The following NCK2 variants were observed in gnomAD, a reference collection of about 807,000 sequenced individuals.
NCK2 encodes NCK adaptor protein 2.
NCK2 carries 16 observed loss-of-function variants against 33.9 expected under a neutral mutation model. That is an observed-to-expected ratio of 0.47 (90% CI 0.32 to 0.72). The LOEUF (loss-of-function observed/expected upper bound fraction) is 0.72. Ranked by LOEUF, NCK2 falls within the 30% of genes least tolerant of loss-of-function variation. NCK2 has a pLI of 0.03. For synonymous variants in NCK2, 273 were observed against 239.9 expected, an observed-to-expected ratio of 1.14 and a Z score of -1.27; for missense variants, 418 against 537.3, an observed-to-expected ratio of 0.78 and a Z score of 2.19.
At chr2:105,827,783 A>G (rs560632311) in intron 2 of NCK2, among the ~76,000 whole-genome samples, 1 of 152,216 alleles carries the variant, frequency 6.6e-6, no homozygotes, top group Non-Finnish European at 1.5e-5. Flanking sequence ...AGAGCAGGTT[A>G]GTGTTTACAA....
intron 1 of NCK2, among the ~76,000 whole-genome samples, chr2:105,794,926 A>G (rs932422954): frequency 6.6e-6 from 1 of 152,146 alleles, no homozygotes; most frequent in Non-Finnish European, 1.5e-5. Flanking sequence ...TACTCTCTCT[A>G]TCTTCTTTTT....
At position 105,816,477 on chromosome 2, in the gene NCK2, C is replaced by T. The variant is rs1401107258; in HGVS notation, c.-153C>T. On this transcript the variant is annotated 5_prime_UTR_variant, in exon 2 of 5. Coordinates refer to ENST00000233154, the MANE Select transcript of NCK2 (RefSeq NM_003581.5). ...AAGCGACGTCCCAGATTATAATTCTCTGCTGAGATTTGAGTTGGATTTGAG... is the reference window on the plus strand; with the variant it reads ...AAGCGACGTCCCAGATTATAATTCTTTGCTGAGATTTGAGTTGGATTTGAG... 6.6e-6 allele frequency: 1 copy of T among 152,130 alleles called. No homozygotes were observed. The highest frequency in any genetic ancestry group is 1.5e-5 in the Non-Finnish European group (1 of 68,038). 9.4% of individuals were successfully genotyped at this position (152,130 alleles called of 1,614,324 possible).
At chr2:105,765,891 G>A (rs182353466) in intron 1 of NCK2, among the ~76,000 whole-genome samples, 1 of 151,492 alleles carries the variant, frequency 6.6e-6, no homozygotes, top group African/African-American at 2.4e-5. Flanking sequence ...TAAGAGTCTA[G>A]GTAAGCCACA....
intron 1 of NCK2, among the ~76,000 whole-genome samples, chr2:105,747,877 T>A (rs1346796996): frequency 6.6e-6 from 1 of 152,244 alleles, no homozygotes; most frequent in Non-Finnish European, 1.5e-5. Context: ...TTTAACGGGC[T>A]ATCAAAAGTG....
At chr2:105,803,401 A>G (rs73949311) in intron 1 of NCK2, among the ~76,000 whole-genome samples, 1,677 of 152,308 alleles carry the variant, frequency 0.011, 31 homozygotes, top group African/African-American at 0.038. Context: ...AAGAAGGGCC[A>G]CTTCTGTGCT....
chr2:105,814,363 T>G (rs1399661533), intron 1 of NCK2, among the ~76,000 whole-genome samples: 1 of 152,222 alleles, frequency 6.6e-6, no homozygotes, highest in Non-Finnish European at 1.5e-5. Context: ...CACTGGCACC[T>G]TTCAATGGAT....
intron 3 of NCK2, among the ~76,000 whole-genome samples, chr2:105,864,520 G>A (rs1236516192): frequency 2.6e-5 from 4 of 152,064 alleles, no homozygotes; most frequent in East Asian, 1.9e-4. Context: ...GTTAGGGTGG[G>A]ACGTCAGTAG....
At chr2:105,799,727 T>C (rs1674739643) in intron 1 of NCK2, among the ~76,000 whole-genome samples, 1 of 152,210 alleles carries the variant, frequency 6.6e-6, no homozygotes, top group South Asian at 2.1e-4. Context: ...CTGGGTTGTT[T>C]TGGCATGGAG....
chr2:105,797,759 G>A lies in NCK2; in HGVS notation c.-200-18671G>A, dbSNP rs566688234. On this transcript the variant is annotated intron_variant, in intron 1 of 4. Transcript: ENST00000233154. ...CAGTTAAAACAAAACACCTGATGTT[G>A]TGGCCTCCTGTCAGCTTTTGTCCTC... 4.6e-5 allele frequency among the ~76,000 whole-genome samples: 7 copies of A among 152,324 alleles called. No individual in the cohort carries two copies. In the South Asian group the frequency reaches 1.4e-3, roughly 32 times the overall value.
intron 1 of NCK2, among the ~76,000 whole-genome samples, chr2:105,755,091 ATGTGCTTCTGTTAT>A (rs1391399346): frequency 1.3e-5 from 2 of 151,662 alleles, no homozygotes; most frequent in Non-Finnish European, 2.9e-5. Flanking sequence ...CTTTTCTTTT[ATGTGCTTCTGTTAT>A]TGTCTTCTTA....
intron 2 of NCK2, among the ~76,000 whole-genome samples, chr2:105,821,532 G>C (rs187555401): frequency 1.3e-5 from 2 of 152,224 alleles, no homozygotes; most frequent in Non-Finnish European, 2.9e-5. Flanking sequence ...TTAATGCTGC[G>C]GATAAATCTG....
chr2:105,862,352 T>G (rs921179801), intron 3 of NCK2, among the ~76,000 whole-genome samples: 2 of 152,124 alleles, frequency 1.3e-5, no homozygotes, highest in Non-Finnish European at 2.9e-5. Context: ...GTACATAAAT[T>G]TATGAAAATG....
chr2:105,833,170 C>T lies in NCK2; in HGVS notation c.-17+16557C>T, dbSNP rs140529216. ...AGTGTAGTGGCGTGATCTCTGCTCA[C>T]TGCAACTTCCATCTCCCGGATTCAA... On this transcript the variant is annotated intron_variant, in intron 2 of 4. Coordinates refer to ENST00000233154, the MANE Select transcript of NCK2 (RefSeq NM_003581.5). Among the ~76,000 whole-genome samples, 218 of 152,020 alleles carry T rather than the reference C, an allele frequency of 1.4e-3. 1 individual carries two copies. Among genetic ancestry groups the T allele is most frequent in the African/African-American group, 4.4e-3 (182 of 41,456 alleles).
At chr2:105,784,527 G>A (rs572666986) in intron 1 of NCK2, among the ~76,000 whole-genome samples, 11 of 152,198 alleles carry the variant, frequency 7.2e-5, no homozygotes, top group Non-Finnish European at 1.3e-4. Flanking sequence ...GTGGAGCCTC[G>A]CTTGTGGAGG....
intron 4 of NCK2, among the ~76,000 whole-genome samples, chr2:105,891,501 C>T (rs948090766): frequency 3.1e-4 from 45 of 145,174 alleles, no homozygotes; most frequent in African/African-American, 1.0e-3. Flanking sequence ...TTCTTTCCTG[C>T]ATGCTTTTCA....
chr2:105,765,817 CTGTGTGTGTGTG>C (rs1021023464), intron 1 of NCK2, among the ~76,000 whole-genome samples: 2 of 121,244 alleles, frequency 1.6e-5, no homozygotes, highest in Non-Finnish European at 3.3e-5. Flanking sequence ...GTGTGTGTGT[CTGTGTGTGTGTG>C]TGTAAGTCTG....
At chr2:105,865,755 C>A (rs1025152731) in intron 3 of NCK2, among the ~76,000 whole-genome samples, 1 of 152,128 alleles carries the variant, frequency 6.6e-6, no homozygotes, top group East Asian at 1.9e-4. Flanking sequence ...TGTGCCGCTG[C>A]CGCATGAGTC....
chr2:105,823,988 A>C (rs1199183384), intron 2 of NCK2, among the ~76,000 whole-genome samples: 1 of 152,134 alleles, frequency 6.6e-6, no homozygotes, highest in African/African-American at 2.4e-5. Flanking sequence ...GTGAACTCCA[A>C]GTCAGGAGTC....
rs569156041 is a variant in NCK2 at position 105,830,353 on chromosome 2, TATA to T, written c.-17+13745_-17+13747del. 1.6e-3 allele frequency among the ~76,000 whole-genome samples: 237 copies of T among 152,352 alleles called. 2 individuals carry two copies. Among genetic ancestry groups the T allele is most frequent in the Middle Eastern group, 6.8e-3 (2 of 294 alleles). On this transcript the variant is annotated intron_variant, in intron 2 of 4. Transcript: ENST00000233154. ...TCTTTGCCTGACTTATTTCATGTAATATAATAACATTATCCAGGCTTATCCATG... is the reference window on the plus strand; with the variant it reads ...TCTTTGCCTGACTTATTTCATGTAATATAACATTATCCAGGCTTATCCATG...
Sources: allele counts gnomAD v4.1 joint callset (sites outside exome capture counted in the v4.1 genomes callset), GRCh38; gene constraint gnomAD v4.1.1; transcripts MANE v1.5; gene names NCBI Gene and HGNC (gene_info 2026-07-23, HGNC 2026-07-21).